Variants in SLC35F5 observed in about 807,000 individuals in gnomAD.
The protein encoded by SLC35F5 is HCV NS5A-transactivated protein 3.
A neutral mutation model predicts 68.6 loss-of-function variants in SLC35F5; 54 were observed. That is an observed-to-expected ratio of 0.79 (90% CI 0.63 to 0.99). SLC35F5 has a LOEUF of 0.99. SLC35F5 is among the 50% of genes least tolerant of loss of function. The pLI, the probability that SLC35F5 is intolerant of heterozygous loss-of-function variation, is 0.00. For missense variants in SLC35F5, 567 were observed against 626.9 expected, an observed-to-expected ratio of 0.90 and a Z score of 1.02; for synonymous variants, 211 against 205.2, an observed-to-expected ratio of 1.03 and a Z score of -0.24.
chr2:113,734,747 G>T, intron 8 of SLC35F5, 74 bp from the exon 9 acceptor site: 1 of 825,358 alleles, frequency 1.2e-6, no homozygotes, highest in Non-Finnish European at 1.9e-6. Flanking sequence ...CAACTTCATT[G>T]TTTAAATAAG....
chr2:113,737,825 C>T (rs1688147706), intron 7 of SLC35F5, among the ~76,000 whole-genome samples: 1 of 152,188 alleles, frequency 6.6e-6, no homozygotes. Context: ...AGACCCATCT[C>T]AACCATCCTC....
Position 113,742,825 on chromosome 2 carries a change from G to A in SLC35F5, c.617C>T (p.Pro206Leu), listed in dbSNP as rs149790536. The A allele has an allele frequency of 2.3e-5, 37 of 1,614,076 alleles. No individual in the cohort carries two copies. The South Asian group carries it at 3.6e-4, about 16-fold the overall frequency. The change falls in exon 7 of 16, where the codon CCG becomes CTG. Residue 206 changes from proline (P) to leucine (L), a missense_variant. Physicochemically the swap from Pro to Leu is moderately conservative, Grantham distance 98 (BLOSUM62 -3). Transcript: ENST00000245680. Reference protein sequence around the residue: ...FSNIMEIRQLPSSHALEAKLS... With the variant: ...FSNIMEIRQLLSSHALEAKLS... ...CTTTGCTTCCAATGCATGACTTGACGGAAGCTGTCGAATCTCCATGATATT... is the reference window on the plus strand; with the variant it reads ...CTTTGCTTCCAATGCATGACTTGACAGAAGCTGTCGAATCTCCATGATATT...
intron 3 of SLC35F5, among the ~76,000 whole-genome samples, chr2:113,751,672 TG>T (rs1202295178): frequency 6.6e-6 from 1 of 151,718 alleles, no homozygotes; most frequent in Non-Finnish European, 1.5e-5. Context: ...TTGCAGTACA[TG>T]GGGGCACCTG....
chr2:113,717,870 G>A lies in SLC35F5; in HGVS notation c.1497-20C>T, dbSNP rs2104968666. ...GGAACTCTTAAGAAAAAAAAAAGCA[G>A]TAATTAAGGAAAGCTTTAGAGCTGA... On this transcript the variant is annotated intron_variant, in intron 14 of 15. Transcript: ENST00000245680. 1 of 1,552,956 alleles carries A rather than the reference G, an allele frequency of 6.4e-7. No homozygotes were observed. Among genetic ancestry groups the A allele is most frequent in the South Asian group, 1.2e-5 (1 of 86,942 alleles).
rs1660933137 is a variant in SLC35F5 at position 113,708,472 on chromosome 2, A to C, written c.*6746T>G. On this transcript the variant is annotated 3_prime_UTR_variant, in exon 16 of 16. Transcript: ENST00000245680. ...GTAATCCCAGCACTTTGGGAGGCCG[A>C]GGCGTGTAGATCACTTGAGGTCAAG... Among the ~76,000 whole-genome samples the C allele has an allele frequency of 6.6e-6, 1 of 152,172 alleles. No homozygotes were observed. The highest frequency in any genetic ancestry group is 2.4e-5 in the African/African-American group (1 of 41,448).
At chr2:113,724,314 C>A (rs965291850) in intron 12 of SLC35F5, among the ~76,000 whole-genome samples, 5 of 152,094 alleles carry the variant, frequency 3.3e-5, no homozygotes, top group African/African-American at 1.2e-4. Flanking sequence ...TCCAATTTAG[C>A]TAAAGGCTAA....
chr2:113,726,527 A>G (rs2104997969), intron 11 of SLC35F5, among the ~76,000 whole-genome samples: 1 of 152,262 alleles, frequency 6.6e-6, no homozygotes, highest in Admixed American at 6.5e-5. Flanking sequence ...TATAATTGAT[A>G]CTTACTATGT....
At chr2:113,717,712 TAAG>T in intron 15 of SLC35F5, 38 bp downstream of exon 15, 1 of 1,298,598 alleles carries the variant, frequency 7.7e-7, no homozygotes, top group Non-Finnish European at 1.1e-6. Context: ...ATTACACAGA[TAAG>T]AACCTTATTC....
chr2:113,747,552 G>T (rs1382423598), intron 4 of SLC35F5, among the ~76,000 whole-genome samples: 1 of 152,078 alleles, frequency 6.6e-6, no homozygotes, highest in African/African-American at 2.4e-5. Context: ...ATAAGACACA[G>T]ACAACACACA....
intron 9 of SLC35F5, among the ~76,000 whole-genome samples, chr2:113,733,651 A>C: frequency 6.6e-6 from 1 of 152,232 alleles, no homozygotes; most frequent in Non-Finnish European, 1.5e-5. Context: ...TAACTAAAAA[A>C]GAAAAACATT....
At chr2:113,743,818 TA>T in intron 5 of SLC35F5, 24 bp from the exon 6 acceptor site, 1 of 1,552,488 alleles carries the variant, frequency 6.4e-7, no homozygotes, top group Non-Finnish European at 8.8e-7. Context: ...GAAAAAAATA[TA>T]AACAACAAAT....
At chr2:113,755,581 A>C in intron 1 of SLC35F5, 37 bp from the exon 2 acceptor site, 1 of 1,561,672 alleles carries the variant, frequency 6.4e-7, no homozygotes, top group Non-Finnish European at 8.8e-7. Flanking sequence ...TGAAAACGTG[A>C]ATAACTCAAG....
At chr2:113,742,963 T>C in intron 6 of SLC35F5, 84 bp from the exon 7 acceptor site, 1 of 1,276,348 alleles carries the variant, frequency 7.8e-7, no homozygotes, top group Non-Finnish European at 1.1e-6. Flanking sequence ...GATAAATGTA[T>C]AAGTTCATCT....
chr2:113,755,360 T>C, intron 2 of SLC35F5, 54 bp from the exon 3 acceptor site: 3 of 1,607,140 alleles, frequency 1.9e-6, no homozygotes, highest in East Asian at 4.5e-5. Context: ...AAAACAACCA[T>C]TAAAAATGAG....
intron 4 of SLC35F5, 145 bp from the exon 5 acceptor site, chr2:113,746,484 G>A (rs929762976): frequency 3.2e-6 from 2 of 631,664 alleles, no homozygotes; most frequent in African/African-American, 3.6e-5. Flanking sequence ...AGCAGCTAAT[G>A]CCACATATTC....
intron 15 of SLC35F5, among the ~76,000 whole-genome samples, chr2:113,716,475 T>C (rs753004047): frequency 6.6e-6 from 1 of 152,168 alleles, no homozygotes; most frequent in Non-Finnish European, 1.5e-5. Context: ...TCCAAAGTTA[T>C]GCAACAACTA....
In SLC35F5 at chr2:113,715,039, G is replaced by A. The variant is rs892400323; in HGVS notation, c.*179C>T. On this transcript the variant is annotated 3_prime_UTR_variant, in exon 16 of 16. Coordinates refer to ENST00000245680, the MANE Select transcript of SLC35F5 (RefSeq NM_025181.5). ...GATATGTACACAGCTACATAGCAAA[G>A]TGCTTCATTATGAAAATGAAGAAAA... 6 of 152,690 alleles carry A rather than the reference G, an allele frequency of 3.9e-5. No individual in the cohort carries two copies. In the South Asian group the frequency reaches 1.2e-3, roughly 32 times the overall value. 9.5% of individuals were successfully genotyped at this position (152,690 alleles called of 1,614,324 possible). A position where few individuals can be genotyped will look rare whatever the true frequency, so the allele number is the denominator to read the frequency against.
In SLC35F5 at chr2:113,756,525, G is replaced by C; in HGVS notation, c.-116C>G. On this transcript the variant is annotated 5_prime_UTR_variant, in exon 1 of 16. Transcript: ENST00000245680. ...CTGGAGGCCCAGCTCCTGAAGACGCGGTGCCCCTCAGGGAGAGGCTCCCGA... is the reference window on the plus strand; with the variant it reads ...CTGGAGGCCCAGCTCCTGAAGACGCCGTGCCCCTCAGGGAGAGGCTCCCGA... 6.7e-7 allele frequency: 1 copy of C among 1,497,692 alleles called. No individual in the cohort carries two copies. Among genetic ancestry groups the C allele is most frequent in the Non-Finnish European group, 8.9e-7 (1 of 1,127,950 alleles). The allele number at this position is 1,497,692 out of a possible 1,614,324, so 92.8% of individuals were successfully genotyped here.
At chr2:113,750,046 CTT>C (rs1303574626) in intron 4 of SLC35F5, among the ~76,000 whole-genome samples, 1 of 151,984 alleles carries the variant, frequency 6.6e-6, no homozygotes, top group Non-Finnish European at 1.5e-5. Flanking sequence ...ATACATAAAA[CTT>C]TGAATTTTTT....
Sources: gnomAD v4.1 joint callset for allele counts (sites outside exome capture counted in the v4.1 genomes callset) on GRCh38, gnomAD v4.1.1 for gene constraint, MANE v1.5 for transcripts, NCBI Gene and HGNC (gene_info 2026-07-23, HGNC 2026-07-21) for gene names.